PARD3: variants seen among roughly 807,000 people sequenced by gnomAD.
PARD3 encodes the protein par-3 family cell polarity regulator, also known as partitioning defective 3 homolog.
PARD3 carries 75 observed loss-of-function variants against 155.4 expected under a neutral mutation model. The observed-to-expected ratio is 0.48, with a 90% CI of 0.40 to 0.58. The LOEUF (loss-of-function observed/expected upper bound fraction) is 0.58. Among genes scored for constraint, PARD3 ranks in the 20% least tolerant of loss-of-function variants. PARD3 has a pLI of 0.00. For missense variants in PARD3, 1,642 were observed against 1,721.7 expected (o/e 0.95, Z 0.82); for synonymous variants, 576 against 610.5 (o/e 0.94, Z 0.83).
intron 5 of PARD3, among the ~76,000 whole-genome samples, chr10:34,445,079 C>T (rs918869522): frequency 1.3e-5 from 2 of 151,654 alleles, no homozygotes; most frequent in Non-Finnish European, 2.9e-5. Context: ...TTTAAGCATA[C>T]AAAATATTTT....
At chr10:34,435,905 A>T (rs2076164038) in intron 5 of PARD3, among the ~76,000 whole-genome samples, 1 of 152,174 alleles carries the variant, frequency 6.6e-6, no homozygotes, top group African/African-American at 2.4e-5. Context: ...TTAGTGAACT[A>T]CCCATCTTAA....
chr10:34,425,298 C>T (rs745417898), intron 5 of PARD3, among the ~76,000 whole-genome samples: 3 of 152,114 alleles, frequency 2.0e-5, no homozygotes, highest in Non-Finnish European at 2.9e-5. Context: ...TGCCTCTTAA[C>T]GTTATACATT....
At chr10:34,637,549 T>TG (rs2092525313) in intron 2 of PARD3, among the ~76,000 whole-genome samples, 2 of 152,230 alleles carry the variant, frequency 1.3e-5, no homozygotes, top group African/African-American at 2.4e-5. Flanking sequence ...GCTTTGTCAC[T>TG]GGGGGTTTCA....
At chr10:34,749,621 G>A (rs1346590345) in intron 1 of PARD3, among the ~76,000 whole-genome samples, 2 of 152,040 alleles carry the variant, frequency 1.3e-5, no homozygotes, top group African/African-American at 2.4e-5. Context: ...TTTAAAAAGT[G>A]ACAAAAAAGA....
chr10:34,798,060 C>T (rs1051087292), intron 1 of PARD3, among the ~76,000 whole-genome samples: 1 of 152,070 alleles, frequency 6.6e-6, no homozygotes, highest in African/African-American at 2.4e-5. Context: ...TAGCTCACCC[C>T]TATAACCCCA....
At chr10:34,332,335 G>A (rs1215060928) in intron 18 of PARD3, among the ~76,000 whole-genome samples, 1 of 152,124 alleles carries the variant, frequency 6.6e-6, no homozygotes, top group Non-Finnish European at 1.5e-5. Flanking sequence ...GCTTCCGGAT[G>A]ACTGAAATAC....
chr10:34,745,543 A>C (rs1835202823), intron 1 of PARD3, among the ~76,000 whole-genome samples: 1 of 152,152 alleles, frequency 6.6e-6, no homozygotes. Context: ...AGGAAAGGCT[A>C]GGATAAGAAT....
At chr10:34,466,145 A>C (rs2077992852) in intron 4 of PARD3, among the ~76,000 whole-genome samples, 1 of 152,182 alleles carries the variant, frequency 6.6e-6, no homozygotes, top group Non-Finnish European at 1.5e-5. Context: ...CACAAAGGTG[A>C]GTATTTCAAA....
chr10:34,586,143 G>C (rs2088019070), intron 2 of PARD3, among the ~76,000 whole-genome samples: 1 of 151,818 alleles, frequency 6.6e-6, no homozygotes. Context: ...AGTCCCAACT[G>C]ATGGATATGG....
At chr10:34,271,668 CAT>C (rs775118069) in intron 21 of PARD3, among the ~76,000 whole-genome samples, 2 of 152,122 alleles carry the variant, frequency 1.3e-5, no homozygotes, top group Non-Finnish European at 2.9e-5. Context: ...TGTAATTCCA[CAT>C]AGTGTTGGAA....
chr10:34,740,964 T>C (rs760419735), intron 1 of PARD3, among the ~76,000 whole-genome samples: 1 of 152,130 alleles, frequency 6.6e-6, no homozygotes, highest in Non-Finnish European at 1.5e-5. Context: ...GAGTTCAACT[T>C]TTAACAAAAG....
intron 1 of PARD3, among the ~76,000 whole-genome samples, chr10:34,784,357 T>C (rs182674508): frequency 2.2e-4 from 34 of 152,170 alleles, no homozygotes; most frequent in African/African-American, 7.5e-4. Flanking sequence ...TGTTTTAGGA[T>C]CTTTTACATT....
chr10:34,341,929 T>C (rs1157667748), intron 15 of PARD3, 113 bp from the exon 16 acceptor site: 2 of 620,166 alleles, frequency 3.2e-6, no homozygotes. Flanking sequence ...ACATATCTGC[T>C]CAACCTGGTA....
intron 2 of PARD3, among the ~76,000 whole-genome samples, chr10:34,556,366 C>T (rs191236256): frequency 2.7e-5 from 4 of 147,916 alleles, no homozygotes; most frequent in Non-Finnish European, 4.4e-5. Flanking sequence ...TACCACCCTT[C>T]CAATTCCTTT....
rs189678571 is a variant in PARD3 at position 34,519,556 on chromosome 10, G to T, written c.223-2397C>A. 7.0e-3 allele frequency among the ~76,000 whole-genome samples: 1,071 copies of T among 152,266 alleles called. 14 individuals carry two copies. Among genetic ancestry groups the T allele is most frequent in the African/African-American group, 0.024 (1,017 of 41,562 alleles). On this transcript the variant is annotated intron_variant, in intron 2 of 24. Transcript: ENST00000374788. ...AGGCCAGGCGCGGTGGCTCACGCCT[G>T]TAATCCCAGCACTTTGGGAGGCCTA... is the stretch of plus-strand genomic sequence containing the variant.
intron 3 of PARD3, among the ~76,000 whole-genome samples, chr10:34,479,176 T>G (rs2078903222): frequency 6.6e-6 from 1 of 151,316 alleles, no homozygotes; most frequent in African/African-American, 2.4e-5. Flanking sequence ...TTTTTTTTTT[T>G]TTTGAGACAG....
Position 34,793,710 on chromosome 10 carries a change from T to C in PARD3, c.120+21166A>G, listed in dbSNP as rs1841933460. On this transcript the variant is annotated intron_variant, in intron 1 of 24. Transcript: ENST00000374788. ...CTGAGGCAGGAGAATTGCTTGAACC[T>C]GGGAGGCGGAGGTTGCAGTGAGCCA... 2.0e-5 allele frequency among the ~76,000 whole-genome samples: 3 copies of C among 150,922 alleles called. No homozygotes were observed. The South Asian group carries it at 6.3e-4, about 32-fold the overall frequency.
rs979844408 is a variant in PARD3 at position 34,117,463 on chromosome 10, G to A, written c.3668+2150C>T. ...AGTGGGGAGGGGGCAGGGGGGTAGC[G>A]GAGTGGGGGATAGGGTGGATTTTAC... On this transcript the variant is annotated intron_variant, in intron 24 of 24. Coordinates refer to ENST00000374788, the MANE Select transcript of PARD3 (RefSeq NM_001184785.2). Among the ~76,000 whole-genome samples, 10 of 152,268 alleles carry A rather than the reference G, an allele frequency of 6.6e-5. 1 individual carries two copies. Among genetic ancestry groups the A allele is most frequent in the Middle Eastern group, 3.4e-3 (1 of 294 alleles).
intron 1 of PARD3, among the ~76,000 whole-genome samples, chr10:34,729,961 G>A (rs2094788414): frequency 6.6e-6 from 1 of 152,000 alleles, no homozygotes; most frequent in Non-Finnish European, 1.5e-5. Context: ...TAGAAATCAG[G>A]GGCTTTCAAC....
Sources: allele counts gnomAD v4.1 joint callset (sites outside exome capture counted in the v4.1 genomes callset), GRCh38; gene constraint gnomAD v4.1.1; transcripts MANE v1.5; gene names NCBI Gene and HGNC (gene_info 2026-07-23, HGNC 2026-07-21).